Variants in ZCCHC17 observed in about 807,000 individuals in gnomAD.
ZCCHC17 encodes the protein zinc finger CCHC-type containing 17.
ZCCHC17 carries 18 observed loss-of-function variants against 30.6 expected under a neutral mutation model. The ratio of observed to expected loss-of-function variants is 0.59; its 90% CI spans 0.41 to 0.87. The LOEUF (loss-of-function observed/expected upper bound fraction) is 0.87, where lower values mean the gene tolerates loss of function less well. Among genes scored for constraint, ZCCHC17 ranks in the 40% least tolerant of loss-of-function variants. The probability of loss-of-function intolerance (pLI) is 0.00; values close to 1 mark genes in which losing one functional copy is unlikely to be tolerated. For synonymous variants in ZCCHC17, 88 were observed against 92.4 expected, an observed-to-expected ratio of 0.95 and a Z score of 0.27; for missense variants, 263 against 284.2, an observed-to-expected ratio of 0.93 and a Z score of 0.54.
chr1:31,346,902 G>T, intron 6 of ZCCHC17, 162 bp downstream of exon 6: 1 of 1,434,968 alleles, frequency 7.0e-7, no homozygotes, highest in Non-Finnish European at 9.3e-7. Flanking sequence ...TTCATGGGGT[G>T]ATACATTTTC....
intron 5 of ZCCHC17, among the ~76,000 whole-genome samples, chr1:31,345,292 G>A (rs1639203872): frequency 1.3e-5 from 2 of 151,532 alleles, no homozygotes; most frequent in South Asian, 4.2e-4. Context: ...AAGTTGCTGG[G>A]ACTACAGGCG....
chr1:31,345,579 T>TTATA (rs1569891985), intron 5 of ZCCHC17, among the ~76,000 whole-genome samples: 1 of 141,500 alleles, frequency 7.1e-6, no homozygotes, highest in Non-Finnish European at 1.5e-5. Context: ...TATATATATA[T>TTATA]ATATTAGTTC....
In ZCCHC17 at chr1:31,346,654, G is replaced by A. The variant is rs141423012; in HGVS notation, c.332G>A (p.Arg111Gln). 138 of 1,611,430 alleles carry A rather than the reference G, an allele frequency of 8.6e-5. No individual in the cohort carries two copies. The highest frequency in any genetic ancestry group is 1.7e-4 in the Middle Eastern group (1 of 6,060). The change falls in exon 6 of 8, where the codon CGG becomes CAG. Residue 111 changes from arginine to glutamine, a missense_variant. Arg to Gln is a conservative substitution (Grantham distance 43). Coordinates refer to ENST00000344147, the MANE Select transcript of ZCCHC17 (RefSeq NM_016505.4). ...TTTCATTATAGGCAAGAAGAGAGGCGGAGGCGATCCTTCCAGGATTACACT... is the reference window on the plus strand; with the variant it reads ...TTTCATTATAGGCAAGAAGAGAGGCAGAGGCGATCCTTCCAGGATTACACT... ...NNVIIEQEER[R>Q]RRSFQDYTGQ...
chr1:31,298,919 C>T (rs1569705020), intron 1 of ZCCHC17, among the ~76,000 whole-genome samples: 1 of 152,068 alleles, frequency 6.6e-6, no homozygotes, highest in Admixed American at 6.5e-5. Context: ...ACAGGAGATA[C>T]AGAAGAAAGG....
intron 7 of ZCCHC17, among the ~76,000 whole-genome samples, chr1:31,358,582 T>G (rs1639736508): frequency 6.6e-6 from 1 of 152,084 alleles, no homozygotes; most frequent in Non-Finnish European, 1.5e-5. Flanking sequence ...TTTTGGACTG[T>G]GTAACTGGAA....
At chr1:31,324,481 A>G (rs1403383285) in intron 3 of ZCCHC17, among the ~76,000 whole-genome samples, 1 of 152,156 alleles carries the variant, frequency 6.6e-6, no homozygotes, top group South Asian at 2.1e-4. Context: ...CTGGCTGCAG[A>G]CCCAGGCATC....
At chr1:31,355,584 T>A (rs1639614664) in intron 7 of ZCCHC17, among the ~76,000 whole-genome samples, 1 of 152,208 alleles carries the variant, frequency 6.6e-6, no homozygotes, top group African/African-American at 2.4e-5. Context: ...GTCTTCAGAT[T>A]ACTAACAATA....
At chr1:31,335,040 C>A (rs1299394581) in intron 3 of ZCCHC17, among the ~76,000 whole-genome samples, 3 of 152,326 alleles carry the variant, frequency 2.0e-5, no homozygotes, top group Non-Finnish European at 4.4e-5. Flanking sequence ...CCAATCTTGT[C>A]AGGGGCTTCC....
Position 31,307,137 on chromosome 1 carries a change from AT to A in ZCCHC17, c.-55-2893del, listed in dbSNP as rs546484387. Among the ~76,000 whole-genome samples the A allele has an allele frequency of 2.7e-3, 392 of 142,664 alleles. 1 individual carries two copies. Among genetic ancestry groups the A allele is most frequent in the Middle Eastern group, 3.7e-3 (1 of 270 alleles). 93.6% of individuals were successfully genotyped at this position (142,664 alleles called of 152,430 possible). A position where few individuals can be genotyped will look rare whatever the true frequency, so the allele number is the denominator to read the frequency against. On this transcript the variant is annotated intron_variant, in intron 1 of 7. Transcript: ENST00000344147. The stretch of plus-strand genomic sequence containing the variant: ...AGGCGTGAGCCACTGTGCCTGGCTG[AT>A]TTTTTTTTTTTTTAAGTAGAGATAG...
chr1:31,329,554 CATA>C (rs1557440716), intron 3 of ZCCHC17, among the ~76,000 whole-genome samples: 2 of 152,270 alleles, frequency 1.3e-5, no homozygotes, highest in East Asian at 3.9e-4. Context: ...GTAAGAGAAA[CATA>C]ATCCCTTGCT....
At chr1:31,299,124 A>C (rs987928716) in intron 1 of ZCCHC17, among the ~76,000 whole-genome samples, 1 of 152,200 alleles carries the variant, frequency 6.6e-6, no homozygotes. Context: ...TGGACAAGAA[A>C]ATGTAGGTAG....
chr1:31,311,876 G>A (rs1646613183), intron 2 of ZCCHC17, among the ~76,000 whole-genome samples: 1 of 152,334 alleles, frequency 6.6e-6, no homozygotes, highest in African/African-American at 2.4e-5. Flanking sequence ...TTGGGAAGTG[G>A]TTAAGTCATG....
At chr1:31,297,926 A>G (rs1026039007) in intron 1 of ZCCHC17, among the ~76,000 whole-genome samples, 27 of 152,234 alleles carry the variant, frequency 1.8e-4, no homozygotes, top group African/African-American at 6.3e-4. Context: ...ATGGTACAAG[A>G]TGAAGCTGTA....
chr1:31,313,973 C>T (rs974356674), intron 2 of ZCCHC17, among the ~76,000 whole-genome samples: 1 of 151,992 alleles, frequency 6.6e-6, no homozygotes, highest in Non-Finnish European at 1.5e-5. Context: ...AAGTGATTCT[C>T]CTGCCTAAGC....
At chr1:31,353,794 A>T (rs1639551145) in intron 7 of ZCCHC17, among the ~76,000 whole-genome samples, 1 of 152,200 alleles carries the variant, frequency 6.6e-6, no homozygotes, top group Admixed American at 6.6e-5. Flanking sequence ...ATTTGACCAA[A>T]TAAGTGAGGA....
At chr1:31,302,293 CCTT>C (rs201239052) in intron 1 of ZCCHC17, among the ~76,000 whole-genome samples, 2,065 of 150,412 alleles carry the variant, frequency 0.014, 49 homozygotes, top group African/African-American at 0.047. Flanking sequence ...GGACCTAGCT[CCTT>C]CTTCTTCTAT....
intron 7 of ZCCHC17, among the ~76,000 whole-genome samples, chr1:31,350,018 C>T (rs1639413028): frequency 1.3e-5 from 2 of 152,182 alleles, no homozygotes; most frequent in Non-Finnish European, 2.9e-5. Context: ...TATCAGAGCA[C>T]CTGTCTCACT....
intron 1 of ZCCHC17, among the ~76,000 whole-genome samples, chr1:31,300,139 A>C (rs946091654): frequency 1.3e-5 from 2 of 152,176 alleles, no homozygotes; most frequent in African/African-American, 4.8e-5. Flanking sequence ...GGCTCACTGT[A>C]GCCTCGACCT....
intron 2 of ZCCHC17, among the ~76,000 whole-genome samples, chr1:31,315,682 A>G (rs546122774): frequency 6.6e-6 from 1 of 152,340 alleles, no homozygotes; most frequent in East Asian, 1.9e-4. Context: ...TATGGTGACA[A>G]CAAGTTTCAA....
Sources: gnomAD v4.1 joint callset for allele counts (sites outside exome capture counted in the v4.1 genomes callset) on GRCh38, gnomAD v4.1.1 for gene constraint, MANE v1.5 for transcripts, NCBI Gene and HGNC (gene_info 2026-07-23, HGNC 2026-07-21) for gene names.